The following OPCML variants were observed in gnomAD, a reference collection of about 807,000 sequenced individuals.
OPCML encodes opioid-binding protein/cell adhesion molecule.
Under a neutral mutation model 37.8 loss-of-function variants are expected in OPCML, and 13 were observed. The ratio of observed to expected loss-of-function variants is 0.34; its 90% CI spans 0.22 to 0.55. The LOEUF is 0.55. Among genes scored for constraint, OPCML ranks in the 20% least tolerant of loss-of-function variants. OPCML has a pLI of 0.91. For synonymous variants in OPCML, 176 were observed against 168.8 expected (o/e 1.04, Z -0.33); for missense variants, 341 against 435.6 (o/e 0.78, Z 1.93).
At chr11:132,961,661 C>T (rs941058841) in intron 1 of OPCML, among the ~76,000 whole-genome samples, 1 of 152,232 alleles carries the variant, frequency 6.6e-6, no homozygotes, top group Non-Finnish European at 1.5e-5. Context: ...GTTAGGTCAG[C>T]TCTGTGGCCT....
intron 1 of OPCML, chr11:133,422,031 A>C: frequency 1.9e-6 from 1 of 516,926 alleles, no homozygotes. Context: ...TTTTTGTTAC[A>C]TAGGTGTATA....
chr11:132,914,341 TGA>T (rs1944536969), intron 2 of OPCML, among the ~76,000 whole-genome samples: 1 of 152,236 alleles, frequency 6.6e-6, no homozygotes, highest in African/African-American at 2.4e-5. Flanking sequence ...TATATGCAAC[TGA>T]GTTTGCACAT....
intron 1 of OPCML, among the ~76,000 whole-genome samples, chr11:132,957,947 C>A (rs543147461): frequency 1.8e-4 from 27 of 152,268 alleles, no homozygotes; most frequent in Admixed American, 5.2e-4. Context: ...AATAACCCTA[C>A]AAAGGCCTCT....
intron 1 of OPCML, among the ~76,000 whole-genome samples, chr11:133,148,288 G>GT (rs1266600807): frequency 6.6e-6 from 1 of 152,170 alleles, no homozygotes; most frequent in African/African-American, 2.4e-5. Flanking sequence ...CACTGACCAA[G>GT]CTTGCTCCCT....
intron 2 of OPCML, among the ~76,000 whole-genome samples, chr11:132,901,840 G>A (rs761954150): frequency 4.6e-5 from 7 of 152,158 alleles, no homozygotes; most frequent in Non-Finnish European, 7.3e-5. Flanking sequence ...TGATTTACAC[G>A]TGACAGATGT....
At chr11:133,230,395 G>GAC (rs2087141296) in intron 1 of OPCML, among the ~76,000 whole-genome samples, 1 of 152,098 alleles carries the variant, frequency 6.6e-6, no homozygotes, top group Non-Finnish European at 1.5e-5. Flanking sequence ...CGAGGTGCTG[G>GAC]ACAGCCAGCT....
rs919386741 is a variant in OPCML at position 132,982,882 on chromosome 11, A to G, written c.62-39872T>C. ...AGCTCCACTGAGCCCCCAGCGTGGG[A>G]TGCATGCCAGAGCTTTCTTGGGTGG... On this transcript the variant is annotated intron_variant, in intron 1 of 7. Coordinates refer to ENST00000524381, the MANE Select transcript of OPCML (RefSeq NM_001012393.5). Among the ~76,000 whole-genome samples, 5 of 152,178 alleles carry G rather than the reference A, an allele frequency of 3.3e-5. 1 individual carries two copies. The highest frequency in any genetic ancestry group is 3.3e-4 in the Admixed American group (5 of 15,274).
intron 1 of OPCML, among the ~76,000 whole-genome samples, chr11:133,192,380 G>T (rs142057801): frequency 2.4e-3 from 361 of 152,250 alleles, no homozygotes; most frequent in African/African-American, 8.1e-3. Flanking sequence ...TTCTATCCAG[G>T]TCTGGAAGAG....
At chr11:133,095,278 T>G (rs1007071236) in intron 1 of OPCML, among the ~76,000 whole-genome samples, 8 of 40,414 alleles carry the variant, frequency 2.0e-4, no homozygotes, top group African/African-American at 3.4e-4. Context: ...AATGTAAATG[T>G]TTTTTTTTTT....
intron 1 of OPCML, among the ~76,000 whole-genome samples, chr11:133,061,499 A>G (rs567769513): frequency 2.0e-4 from 30 of 152,328 alleles, no homozygotes; most frequent in South Asian, 1.2e-3. Context: ...TGCATTCACC[A>G]TAATAAACTA....
At chr11:132,891,846 C>G (rs2136463125) in intron 2 of OPCML, among the ~76,000 whole-genome samples, 1 of 152,198 alleles carries the variant, frequency 6.6e-6, no homozygotes, top group East Asian at 1.9e-4. Context: ...TTTTCAATTT[C>G]CATGTTCCCT....
chr11:132,865,420 T>C (rs535416633), intron 2 of OPCML, among the ~76,000 whole-genome samples: 2 of 152,312 alleles, frequency 1.3e-5, no homozygotes, highest in South Asian at 4.1e-4. Flanking sequence ...TTACTACAAC[T>C]GAACAAATAG....
intron 1 of OPCML, among the ~76,000 whole-genome samples, chr11:133,396,502 C>A (rs1945289245): frequency 6.6e-6 from 1 of 152,138 alleles, no homozygotes; most frequent in Admixed American, 6.5e-5. Context: ...CATGTTTACA[C>A]AGGCTCTCAA....
chr11:133,149,091 G>T (rs1160631911), intron 1 of OPCML, among the ~76,000 whole-genome samples: 1 of 152,166 alleles, frequency 6.6e-6, no homozygotes, highest in African/African-American at 2.4e-5. Context: ...AAAAGCAACA[G>T]ACCCAGACAG....
At chr11:132,890,682 TAAA>T (rs368939079) in intron 2 of OPCML, among the ~76,000 whole-genome samples, 1 of 134,232 alleles carries the variant, frequency 7.4e-6, no homozygotes. Flanking sequence ...CTGTCTCTAC[TAAA>T]AAAAAAAAAA....
intron 1 of OPCML, among the ~76,000 whole-genome samples, chr11:133,419,705 TG>T (rs1945843160): frequency 6.6e-6 from 1 of 152,208 alleles, no homozygotes; most frequent in South Asian, 2.1e-4. Context: ...AAGGCTTGAC[TG>T]TTTTTTTTAT....
chr11:133,483,795 T>TAGATGATAGATAGATA lies in OPCML; in HGVS notation c.61+48468_61+48469insTATCTATCTATCATCT, dbSNP rs1555165668. Reference sequence around the variant, plus strand: ...ATTTATAGATGGATAGATACATAGATGATAGATAGATAGATAGATAGATAG... The same window carrying TAGATGATAGATAGATA: ...ATTTATAGATGGATAGATACATAGATAGATGATAGATAGATAGATAGATAGATAGATAGATAGATAG... On this transcript the variant is annotated intron_variant, in intron 1 of 7. Coordinates refer to ENST00000524381, the MANE Select transcript of OPCML (RefSeq NM_001012393.5). Among the ~76,000 whole-genome samples the TAGATGATAGATAGATA allele has an allele frequency of 2.0e-4, 27 of 132,428 alleles. 1 individual carries two copies. In the East Asian group the frequency reaches 5.4e-3, roughly 26 times the overall value. 86.9% of individuals were successfully genotyped at this position (132,428 alleles called of 152,430 possible).
chr11:133,191,184 T>TA (rs1938298044), intron 1 of OPCML, among the ~76,000 whole-genome samples: 1 of 152,226 alleles, frequency 6.6e-6, no homozygotes. Flanking sequence ...ATGAGAGTGA[T>TA]ATCTCATTAT....
chr11:133,142,950 C>T (rs1565470328), intron 1 of OPCML, among the ~76,000 whole-genome samples: 1 of 152,136 alleles, frequency 6.6e-6, no homozygotes, highest in Non-Finnish European at 1.5e-5. Context: ...AATTGTGCAA[C>T]CCAGGCATGG....
Sources: gnomAD v4.1 joint callset for allele counts (sites outside exome capture counted in the v4.1 genomes callset) on GRCh38, gnomAD v4.1.1 for gene constraint, MANE v1.5 for transcripts, NCBI Gene and HGNC (gene_info 2026-07-23, HGNC 2026-07-21) for gene names.